Variants in UGT1A9 observed in about 807,000 individuals in gnomAD.
UGT1A9 encodes UDP-glucuronosyltransferase 1A9.
UGT1A9 carries 35 observed loss-of-function variants against 45.0 expected under a neutral mutation model. That is an observed-to-expected ratio of 0.78 (90% CI 0.59 to 1.03). The LOEUF is 1.03. Among genes scored for constraint, UGT1A9 ranks in the 50% least tolerant of loss-of-function variants. UGT1A9 has a pLI of 0.00. For missense variants in UGT1A9, 687 were observed against 666.6 expected (o/e 1.03, Z -0.34); for synonymous variants, 278 against 250.6 (o/e 1.11, Z -1.03).
intron 1 of UGT1A9, among the ~76,000 whole-genome samples, chr2:233,731,819 C>T (rs1478115630): frequency 1.3e-5 from 2 of 152,132 alleles, no homozygotes; most frequent in Non-Finnish European, 2.9e-5. Context: ...ATGGCTGTGT[C>T]AAATGGTATT....
chr2:233,739,475 GA>G (rs1691117772), intron 1 of UGT1A9, among the ~76,000 whole-genome samples: 1 of 152,238 alleles, frequency 6.6e-6, no homozygotes, highest in African/African-American at 2.4e-5. Flanking sequence ...GAGACCGTGG[GA>G]GCCCATTTCT....
chr2:233,761,781 G>A (rs527861889), intron 1 of UGT1A9, among the ~76,000 whole-genome samples: 8 of 152,266 alleles, frequency 5.3e-5, no homozygotes, highest in South Asian at 2.1e-4. Flanking sequence ...CATCCTCATC[G>A]AAATCTCAGC....
Position 233,713,004 on chromosome 2 carries a change from C to A in UGT1A9, c.855+40215C>A, listed in dbSNP as rs942673517. ...GGCTTCTGCTGAGATGGCCACAGGA[C>A]TCCAGGTTCCCCTGCCGCAGCTGGC... On this transcript the variant is annotated intron_variant, in intron 1 of 4. Coordinates refer to ENST00000354728, the MANE Select transcript of UGT1A9 (RefSeq NM_021027.3). 1.5e-5 allele frequency: 25 copies of A among 1,613,434 alleles called. No individual in the cohort carries two copies. The highest frequency in any genetic ancestry group is 2.0e-5 in the Non-Finnish European group (24 of 1,180,048).
intron 1 of UGT1A9, chr2:233,722,014 C>G (rs2076986422): frequency 3.9e-6 from 1 of 254,156 alleles, no homozygotes; most frequent in Non-Finnish European, 7.9e-6. Context: ...AACAGGAAAA[C>G]TGAAACCTCT....
intron 1 of UGT1A9, chr2:233,729,898 C>T (rs756538337): frequency 1.5e-5 from 24 of 1,613,872 alleles, no homozygotes; most frequent in East Asian, 4.5e-5. Context: ...GTGGCTGTTC[C>T]GAGGGGACTT....
intron 1 of UGT1A9, chr2:233,743,914 C>G (rs201448352): frequency 1.5e-6 from 2 of 1,364,518 alleles, no homozygotes; most frequent in Non-Finnish European, 2.0e-6. Context: ...AGTAGTCCAC[C>G]ATGCTGGATG....
chr2:233,681,759 A>G (rs1294267039), intron 1 of UGT1A9: 1 of 899,776 alleles, frequency 1.1e-6, no homozygotes. Flanking sequence ...CAGGTATCTC[A>G]GCAAAGGCTA....
chr2:233,679,117 C>G (rs1310985222), intron 1 of UGT1A9, among the ~76,000 whole-genome samples: 2 of 152,126 alleles, frequency 1.3e-5, no homozygotes. Flanking sequence ...TCTAAATTTC[C>G]TTAAGACACC....
chr2:233,771,951 C>G (rs1331596370), intron 4 of UGT1A9, among the ~76,000 whole-genome samples: 6 of 152,070 alleles, frequency 3.9e-5, no homozygotes, highest in Admixed American at 2.0e-4. Context: ...CTTGTTTCTA[C>G]AAAAAATTTA....
chr2:233,760,809 A>G (rs1407366507), intron 1 of UGT1A9: 1 of 1,613,186 alleles, frequency 6.2e-7, no homozygotes, highest in South Asian at 1.1e-5. Flanking sequence ...TCTTGCATGC[A>G]CTGCCATGCA....
rs1434418426 is a variant in UGT1A9 at position 233,747,592 on chromosome 2, C to T, written c.856-19442C>T. On this transcript the variant is annotated intron_variant, in intron 1 of 4. Coordinates refer to ENST00000354728, the MANE Select transcript of UGT1A9 (RefSeq NM_021027.3). Reference sequence around the variant, plus strand: ...AATTCATCTTTGGTCTTTCATAGGTCTTGTGTGGAGCTACTGCATAATGAG... The same window carrying T: ...AATTCATCTTTGGTCTTTCATAGGTTTTGTGTGGAGCTACTGCATAATGAG... The T allele has an allele frequency of 5.7e-6, 9 of 1,575,532 alleles. No individual in the cohort carries two copies. The South Asian group carries it at 8.9e-5, about 16-fold the overall frequency.
At chr2:233,726,002 C>T (rs1052114071) in intron 1 of UGT1A9, among the ~76,000 whole-genome samples, 2 of 151,912 alleles carry the variant, frequency 1.3e-5, no homozygotes, top group African/African-American at 4.8e-5. Flanking sequence ...TGCATCTCTA[C>T]AAAAAATCAA....
rs17863776 is a variant in UGT1A9, at chr2:233,672,690, G to T, written c.756G>T (p.Leu252Phe). The T allele has an allele frequency of 3.2e-5, 52 of 1,613,782 alleles. No homozygotes were observed. Among genetic ancestry groups the T allele is most frequent in the Non-Finnish European group, 4.4e-5 (52 of 1,179,836 alleles). The change falls in exon 1 of 5, where the codon TTG becomes TTT. Residue 252 changes from leucine to phenylalanine, a missense_variant. Leu to Phe is a conservative substitution (Grantham distance 22). Transcript: ENST00000354728. ...YDLYSHTSIW[L>F]LRTDFVLDYP... is the part of the protein sequence containing the mutation. The stretch of plus-strand genomic sequence containing the variant: ...TCTACAGCCACACATCAATTTGGTT[G>T]TTGCGAACGGACTTTGTTTTGGACT...
chr2:233,691,470 G>A (rs12474980), intron 1 of UGT1A9: 213,736 of 985,588 alleles, frequency 0.22, 23,726 homozygotes, highest in Non-Finnish European at 0.23. Context: ...GAACACCTCC[G>A]GTGCCAAACT....
chr2:233,729,858 A>G (rs1450945508), intron 1 of UGT1A9: 1 of 1,613,820 alleles, frequency 6.2e-7, no homozygotes. Context: ...GAGAGGTGTC[A>G]GTGGTGGATA....
intron 1 of UGT1A9, chr2:233,729,086 A>G: frequency 6.2e-7 from 1 of 1,612,434 alleles, no homozygotes; most frequent in African/African-American, 1.3e-5. Flanking sequence ...TAGCAGGCAC[A>G]GCGTGGGGTG....
At chr2:233,752,028 A>G (rs754794292) in intron 1 of UGT1A9, among the ~76,000 whole-genome samples, 5 of 152,356 alleles carry the variant, frequency 3.3e-5, no homozygotes, top group South Asian at 4.1e-4. Context: ...AGAAATTCCT[A>G]GAAAGGTAAG....
chr2:233,714,792 G>A (rs1347509231), intron 1 of UGT1A9, among the ~76,000 whole-genome samples: 5 of 152,156 alleles, frequency 3.3e-5, no homozygotes, highest in Non-Finnish European at 7.3e-5. Context: ...CACATTTCAA[G>A]TGCTCAATAT....
chr2:233,729,651 C>T (rs1188318703), intron 1 of UGT1A9: 5 of 1,613,894 alleles, frequency 3.1e-6, no homozygotes, highest in African/African-American at 2.7e-5. Context: ...TTTTGAGGAA[C>T]ATTCCATGTG....
Sources: gnomAD v4.1 joint callset for allele counts (sites outside exome capture counted in the v4.1 genomes callset) on GRCh38, gnomAD v4.1.1 for gene constraint, MANE v1.5 for transcripts, NCBI Gene and HGNC (gene_info 2026-07-23, HGNC 2026-07-21) for gene names.